The following CACNA2D1 variants were observed in gnomAD, a reference collection of about 807,000 sequenced individuals.
The protein encoded by CACNA2D1 is voltage-dependent calcium channel subunit alpha-2/delta-1.
In CACNA2D1, 53 loss-of-function variants were observed where a neutral mutation model predicts 171.5. The observed-to-expected ratio is 0.31, with a 90% CI of 0.25 to 0.39. The LOEUF (loss-of-function observed/expected upper bound fraction) is 0.39. Ranked by LOEUF, CACNA2D1 falls within the 10% of genes least tolerant of loss-of-function variation. The pLI is 1.00. For missense variants in CACNA2D1, 903 were observed against 1,299.8 expected (o/e 0.69, Z 4.69); for synonymous variants, 442 against 443.1 (o/e 1.00, Z 0.03).
chr7:81,972,401 G>A (rs927609563), intron 25 of CACNA2D1, among the ~76,000 whole-genome samples: 11 of 151,686 alleles, frequency 7.3e-5, no homozygotes, highest in African/African-American at 2.4e-4. Context: ...TCAAAACATA[G>A]GATAATCTTG....
At chr7:82,304,804 AC>A (rs1813506777) in intron 3 of CACNA2D1, among the ~76,000 whole-genome samples, 1 of 152,180 alleles carries the variant, frequency 6.6e-6, no homozygotes, top group Admixed American at 6.6e-5. Context: ...ATGATTGATA[AC>A]ACAGTAGGGG....
intron 6 of CACNA2D1, among the ~76,000 whole-genome samples, chr7:82,095,892 G>C (rs1811801831): frequency 6.6e-6 from 1 of 152,112 alleles, no homozygotes; most frequent in Non-Finnish European, 1.5e-5. Context: ...TTAACTTCAA[G>C]TTCTGTGATA....
intron 1 of CACNA2D1, among the ~76,000 whole-genome samples, chr7:82,426,245 C>G (rs566817335): frequency 6.6e-6 from 1 of 151,854 alleles, no homozygotes; most frequent in Non-Finnish European, 1.5e-5. Context: ...TCTTTGATTT[C>G]CTCTGTATAA....
chr7:82,034,811 G>T (rs1562900643), intron 11 of CACNA2D1, among the ~76,000 whole-genome samples: 1 of 152,050 alleles, frequency 6.6e-6, no homozygotes, highest in Non-Finnish European at 1.5e-5. Flanking sequence ...ATTAGGTCTT[G>T]CTGATCATTT....
At chr7:82,147,738 C>T (rs147431932) in intron 4 of CACNA2D1, among the ~76,000 whole-genome samples, 316 of 152,210 alleles carry the variant, frequency 2.1e-3, no homozygotes, top group African/African-American at 7.0e-3. Context: ...TATTATCCTA[C>T]TAAAACAAAA....
At position 82,321,445 on chromosome 7, in the gene CACNA2D1, T is replaced by A. The variant is rs142443481; in HGVS notation, c.294+13690A>T. Among the ~76,000 whole-genome samples the A allele has an allele frequency of 7.0e-3, 1,065 of 151,770 alleles. 15 individuals are homozygous for A. Among genetic ancestry groups the A allele is most frequent in the African/African-American group, 0.025 (1,027 of 41,404 alleles). On this transcript the variant is annotated intron_variant, in intron 3 of 38. Coordinates refer to ENST00000356860, the MANE Select transcript of CACNA2D1 (RefSeq NM_000722.4). ...AATAAAATAGAGTCTTACCCCCTCCTCAAAAAAAAGTGAGATGGCTTTCGC... is the reference window on the plus strand; with the variant it reads ...AATAAAATAGAGTCTTACCCCCTCCACAAAAAAAAGTGAGATGGCTTTCGC...
intron 3 of CACNA2D1, among the ~76,000 whole-genome samples, chr7:82,258,489 A>T (rs1290908060): frequency 6.6e-6 from 1 of 152,136 alleles, no homozygotes; most frequent in African/African-American, 2.4e-5. Context: ...AGCCTTACAT[A>T]AACTTTATTG....
intron 6 of CACNA2D1, among the ~76,000 whole-genome samples, chr7:82,104,776 C>A (rs1237935871): frequency 6.6e-6 from 1 of 151,982 alleles, no homozygotes; most frequent in Non-Finnish European, 1.5e-5. Flanking sequence ...AAAATTTTAA[C>A]AGTACGATAC....
At chr7:82,135,533 A>G (rs1791507604) in intron 5 of CACNA2D1, among the ~76,000 whole-genome samples, 2 of 152,140 alleles carry the variant, frequency 1.3e-5, no homozygotes, top group African/African-American at 2.4e-5. Context: ...GAGAAAATAA[A>G]ACCTTCTTCA....
chr7:81,993,141 C>T (rs1258137017), intron 20 of CACNA2D1, among the ~76,000 whole-genome samples: 2 of 152,090 alleles, frequency 1.3e-5, no homozygotes, highest in South Asian at 2.1e-4. Flanking sequence ...TATACACTTA[C>T]AATTTTTATA....
At chr7:82,388,636 G>A (rs1227513343) in intron 1 of CACNA2D1, among the ~76,000 whole-genome samples, 1 of 152,166 alleles carries the variant, frequency 6.6e-6, no homozygotes, top group Non-Finnish European at 1.5e-5. Flanking sequence ...TTGATTTCAT[G>A]TGAGGGGAAA....
intron 4 of CACNA2D1, among the ~76,000 whole-genome samples, chr7:82,166,875 G>C (rs1169308384): frequency 2.6e-5 from 4 of 152,066 alleles, no homozygotes; most frequent in African/African-American, 9.7e-5. Flanking sequence ...GGAGCTGAGA[G>C]AGAGTGTGAA....
chr7:82,286,103 T>C (rs753986720), intron 3 of CACNA2D1, among the ~76,000 whole-genome samples: 3 of 152,208 alleles, frequency 2.0e-5, no homozygotes, highest in Admixed American at 6.5e-5. Context: ...TTCTCCTTTT[T>C]TTCCTTCTCT....
At chr7:82,084,013 G>T (rs1388666263) in intron 7 of CACNA2D1, among the ~76,000 whole-genome samples, 2 of 152,054 alleles carry the variant, frequency 1.3e-5, no homozygotes, top group African/African-American at 4.8e-5. Flanking sequence ...GTTTGAGAAA[G>T]AAAACGCATT....
chr7:82,167,351 C>G (rs897745559), intron 4 of CACNA2D1, among the ~76,000 whole-genome samples: 23 of 151,920 alleles, frequency 1.5e-4, no homozygotes, highest in African/African-American at 5.5e-4. Flanking sequence ...AAGTTTCAAC[C>G]ACGAATTTGA....
chr7:82,111,375 T>C (rs1462467056), intron 6 of CACNA2D1, among the ~76,000 whole-genome samples: 1 of 122,232 alleles, frequency 8.2e-6, no homozygotes, highest in Non-Finnish European at 1.8e-5. Flanking sequence ...TATATATATA[T>C]TCATATATGT....
intron 1 of CACNA2D1, among the ~76,000 whole-genome samples, chr7:82,432,318 T>C (rs1829754806): frequency 2.0e-5 from 3 of 152,300 alleles, no homozygotes; most frequent in Non-Finnish European, 4.4e-5. Context: ...CACACTGCAA[T>C]GGTACCAATG....
At chr7:82,085,005 TATAAA>T in intron 6 of CACNA2D1, 105 bp from the exon 7 acceptor site, 2 of 1,031,896 alleles carry the variant, frequency 1.9e-6, no homozygotes, top group East Asian at 5.2e-5. Flanking sequence ...TTGTTCTACC[TATAAA>T]ATAACTCTAA....
chr7:82,187,479 A>G (rs1797887509), intron 3 of CACNA2D1, among the ~76,000 whole-genome samples: 2 of 152,196 alleles, frequency 1.3e-5, no homozygotes, highest in Admixed American at 1.3e-4. Flanking sequence ...CAACATCTGT[A>G]GATAAGATTT....
Sources: gnomAD v4.1 joint callset for allele counts (sites outside exome capture counted in the v4.1 genomes callset) on GRCh38, gnomAD v4.1.1 for gene constraint, MANE v1.5 for transcripts, NCBI Gene and HGNC (gene_info 2026-07-23, HGNC 2026-07-21) for gene names.